The following EVC2 variants were observed in gnomAD, a reference collection of about 807,000 sequenced individuals.
EVC2 encodes limbin.
In EVC2, 148 loss-of-function variants were observed where a neutral mutation model predicts 149.3. That is an observed-to-expected ratio of 0.99 (90% CI 0.87 to 1.14). EVC2 has a LOEUF of 1.14. Ranked by LOEUF, EVC2 falls within the 50% of genes most tolerant of loss-of-function variation. The pLI, the probability that EVC2 is intolerant of heterozygous loss-of-function variation, is 0.00. For missense variants in EVC2, 1,854 were observed against 1,627.3 expected, an observed-to-expected ratio of 1.14 and a Z score of -2.40; for synonymous variants, 776 against 649.9, an observed-to-expected ratio of 1.19 and a Z score of -2.95.
In EVC2 at chr4:5,574,673, G is replaced by A; in HGVS notation, c.3360+12C>T. 6.2e-7 allele frequency: 1 copy of A among 1,613,946 alleles called. No individual in the cohort carries two copies. Among genetic ancestry groups the A allele is most frequent in the Middle Eastern group, 1.7e-4 (1 of 6,056 alleles). On this transcript the variant is annotated intron_variant, in intron 19 of 21. Transcript: ENST00000344408. ...CAAGGGGTGGCCTCAGACCCTGCCA[G>A]TACCTTCTCACCTGGCTGCACAGGG...
chr4:5,650,638 T>TATATAGAGAGAGAG (rs1162935817), intron 9 of EVC2, among the ~76,000 whole-genome samples: 20 of 45,082 alleles, frequency 4.4e-4, no homozygotes, highest in South Asian at 1.1e-3. Flanking sequence ...TATATATATA[T>TATATAGAGAGAGAG]AGAGAGAGAG....
intron 21 of EVC2, among the ~76,000 whole-genome samples, chr4:5,544,099 G>A (rs1231768922): frequency 6.6e-6 from 1 of 152,190 alleles, no homozygotes; most frequent in African/African-American, 2.4e-5. Flanking sequence ...TGAAATCTAT[G>A]AGAGAAGAGG....
chr4:5,622,495 A>G lies in EVC2; in HGVS notation c.2501+42T>C, dbSNP rs766573515. 3.8e-6 allele frequency: 6 copies of G among 1,598,960 alleles called. No individual in the cohort carries two copies. The East Asian group carries it at 1.4e-4, about 36-fold the overall frequency. On this transcript the variant is annotated intron_variant, in intron 14 of 21. Transcript: ENST00000344408. This position sits in a 1 kb window ranked among gnomAD's most constrained non-coding sequence, Gnocchi z 5.8. ...CAGGGCAGGAATCTCCCTGGCATCA[A>G]CGGGATGGGGAGGGGTGATTACGAC...
chr4:5,638,715 T>C (rs541965583), intron 10 of EVC2, among the ~76,000 whole-genome samples: 96 of 152,282 alleles, frequency 6.3e-4, no homozygotes, highest in African/African-American at 2.3e-3. Context: ...CTGGATTATT[T>C]AGGTGGGACC....
intron 9 of EVC2, among the ~76,000 whole-genome samples, chr4:5,656,763 T>C (rs911394747): frequency 4.6e-5 from 7 of 152,146 alleles, no homozygotes; most frequent in African/African-American, 1.4e-4. Context: ...AGAAAGTGAT[T>C]TGGGACTCTG....
At chr4:5,565,114 T>A (rs1424706188) in intron 21 of EVC2, 144 bp downstream of exon 21, 1 of 763,174 alleles carries the variant, frequency 1.3e-6, no homozygotes, top group Non-Finnish European at 2.3e-6. Context: ...GCCCACTGAA[T>A]AAAGATTTGT....
At chr4:5,689,058 A>G (rs1720922044) in intron 5 of EVC2, 99 bp downstream of exon 5, 1 of 1,322,720 alleles carries the variant, frequency 7.6e-7, no homozygotes, top group African/African-American at 1.4e-5. Flanking sequence ...GAACATGTGT[A>G]AGGCTTTAAG....
At chr4:5,540,579 C>T (rs1721493711), downstream of EVC2, among the ~76,000 whole-genome samples, 1 of 152,072 alleles carries the variant, frequency 6.6e-6, no homozygotes, top group Non-Finnish European at 1.5e-5. Flanking sequence ...CTGTTTGGTT[C>T]CATTTATATA....
intron 16 of EVC2, among the ~76,000 whole-genome samples, chr4:5,587,907 G>A (rs1186186905): frequency 2.6e-5 from 4 of 152,070 alleles, no homozygotes; most frequent in Non-Finnish European, 2.9e-5. Flanking sequence ...GTGTGGCGCC[G>A]GGCTGTCTGC....
chr4:5,674,190 C>G (rs1029201981), intron 7 of EVC2, among the ~76,000 whole-genome samples: 1 of 152,190 alleles, frequency 6.6e-6, no homozygotes, highest in Non-Finnish European at 1.5e-5. Flanking sequence ...CTTGGCCTCC[C>G]AGCTGACAAT....
In EVC2 at chr4:5,637,711, C is replaced by A. The variant is rs1385656703; in HGVS notation, c.1470+2803G>T. Among the ~76,000 whole-genome samples the A allele has an allele frequency of 6.6e-6, 1 of 152,026 alleles. No individual in the cohort carries two copies. Among genetic ancestry groups the A allele is most frequent in the Non-Finnish European group, 1.5e-5 (1 of 68,026 alleles). ...AGGGCAGGTGTGAAGGCTGCCTGAGCCATCCCTGTATCTCCAGGGTTAGGT... is the reference window on the plus strand; with the variant it reads ...AGGGCAGGTGTGAAGGCTGCCTGAGACATCCCTGTATCTCCAGGGTTAGGT... On this transcript the variant is annotated intron_variant, in intron 10 of 21. Coordinates refer to ENST00000344408, the MANE Select transcript of EVC2 (RefSeq NM_147127.5). This position sits in a 1 kb window ranked among gnomAD's most constrained non-coding sequence, Gnocchi z 4.4.
intron 6 of EVC2, among the ~76,000 whole-genome samples, chr4:5,681,835 C>T (rs192076547): frequency 2.4e-4 from 37 of 152,340 alleles, no homozygotes; most frequent in Admixed American, 9.8e-4. Flanking sequence ...ATCCACCTGT[C>T]TAACCGCATG....
chr4:5,573,171 A>T (rs1347950274), intron 19 of EVC2, among the ~76,000 whole-genome samples: 4 of 152,164 alleles, frequency 2.6e-5, no homozygotes, highest in African/African-American at 9.7e-5. Flanking sequence ...CAGAATAATG[A>T]TCCCTCCCCA....
chr4:5,697,873 G>A (rs936627630), intron 1 of EVC2, among the ~76,000 whole-genome samples: 1 of 151,642 alleles, frequency 6.6e-6, no homozygotes, highest in African/African-American at 2.4e-5. Flanking sequence ...AGCCTCCCGA[G>A]TAGCTGGGAC....
chr4:5,607,042 C>T (rs1168919817), intron 16 of EVC2, among the ~76,000 whole-genome samples: 1 of 152,152 alleles, frequency 6.6e-6, no homozygotes, highest in Non-Finnish European at 1.5e-5. Flanking sequence ...ATTGAATAAT[C>T]TAAAACATAT....
At chr4:5,652,392 TC>T (rs963965864) in intron 9 of EVC2, among the ~76,000 whole-genome samples, 2 of 152,212 alleles carry the variant, frequency 1.3e-5, no homozygotes, top group Admixed American at 6.5e-5. Flanking sequence ...AGACGCACCC[TC>T]CGGGGACTGT....
At chr4:5,684,737 G>A (rs1380992978) in intron 6 of EVC2, among the ~76,000 whole-genome samples, 1 of 152,192 alleles carries the variant, frequency 6.6e-6, no homozygotes, top group Non-Finnish European at 1.5e-5. Flanking sequence ...GAAGTCCAGT[G>A]CCCTAGGATG....
intron 5 of EVC2, among the ~76,000 whole-genome samples, chr4:5,687,670 G>A (rs1210541965): frequency 6.6e-6 from 1 of 152,168 alleles, no homozygotes; most frequent in Admixed American, 6.5e-5. Context: ...TTCAGAGTTG[G>A]GGAGAGGTGC....
intron 19 of EVC2, among the ~76,000 whole-genome samples, chr4:5,568,951 C>T (rs1036225115): frequency 1.3e-5 from 2 of 152,164 alleles, no homozygotes; most frequent in African/African-American, 2.4e-5. Context: ...GTACTTTCTC[C>T]TCCTCCTCAC....
Sources: allele counts gnomAD v4.1 joint callset (sites outside exome capture counted in the v4.1 genomes callset), GRCh38; gene constraint gnomAD v4.1.1; non-coding constraint Gnocchi (gnomAD v3.1); transcripts MANE v1.5; gene names NCBI Gene and HGNC (gene_info 2026-07-23, HGNC 2026-07-21).